Variants in VPS8 observed in about 807,000 individuals in gnomAD.
The protein encoded by VPS8 is VPS8 subunit of CORVET complex.
In VPS8, 129 loss-of-function variants were observed where a neutral mutation model predicts 216.4. The ratio of observed to expected loss-of-function variants is 0.60; its 90% CI spans 0.52 to 0.69. The LOEUF (loss-of-function observed/expected upper bound fraction) is 0.69, where lower values mean the gene tolerates loss of function less well. Among genes scored for constraint, VPS8 ranks in the 30% least tolerant of loss-of-function variants. VPS8 has a pLI of 0.00. For synonymous variants in VPS8, 571 were observed against 565.4 expected (o/e 1.01, Z -0.14); for missense variants, 1,531 against 1,683.5 (o/e 0.91, Z 1.59).
intron 45 of VPS8, among the ~76,000 whole-genome samples, chr3:185,010,990 C>A (rs939360885): frequency 6.6e-6 from 1 of 151,686 alleles, no homozygotes; most frequent in Non-Finnish European, 1.5e-5. Context: ...CAAAGCGAGA[C>A]CCTATCTCAA....
At chr3:184,884,078 C>G (rs1425119297) in intron 21 of VPS8, among the ~76,000 whole-genome samples, 1 of 152,036 alleles carries the variant, frequency 6.6e-6, no homozygotes, top group Non-Finnish European at 1.5e-5. Flanking sequence ...TTTTCAGGAT[C>G]ACTTTTTTTT....
At chr3:184,841,575 A>G (rs560937201) in intron 7 of VPS8, among the ~76,000 whole-genome samples, 1 of 152,324 alleles carries the variant, frequency 6.6e-6, no homozygotes, top group Admixed American at 6.5e-5. Flanking sequence ...ATGTTCCTAA[A>G]GGTGGAATTG....
intron 1 of VPS8, among the ~76,000 whole-genome samples, chr3:184,814,781 C>G (rs1003100462): frequency 6.6e-6 from 1 of 152,088 alleles, no homozygotes; most frequent in Non-Finnish European, 1.5e-5. Flanking sequence ...TACACTTAGG[C>G]TACACTGAAT....
At chr3:184,875,640 A>G (rs977866330) in intron 21 of VPS8, among the ~76,000 whole-genome samples, 1 of 151,984 alleles carries the variant, frequency 6.6e-6, no homozygotes. Flanking sequence ...CGCCGTCTCT[A>G]ATATCCTATG....
chr3:184,918,026 G>A (rs1489153877), intron 28 of VPS8, among the ~76,000 whole-genome samples: 1 of 152,170 alleles, frequency 6.6e-6, no homozygotes, highest in African/African-American at 2.4e-5. Context: ...CAAATGGATT[G>A]AAATGAGATA....
chr3:184,834,628 G>GT, intron 4 of VPS8, 21 bp from the exon 5 acceptor site: 1 of 1,483,252 alleles, frequency 6.7e-7, no homozygotes, highest in Non-Finnish European at 9.0e-7. Context: ...GTTTTTAAAT[G>GT]TTTTTCTTTT....
At chr3:184,819,798 C>A (rs1488741791) in intron 1 of VPS8, among the ~76,000 whole-genome samples, 3 of 152,106 alleles carry the variant, frequency 2.0e-5, no homozygotes, top group African/African-American at 7.2e-5. Flanking sequence ...CTACTACTAC[C>A]TACTGTTGAG....
chr3:184,933,789 A>G (rs1479246292), intron 34 of VPS8, among the ~76,000 whole-genome samples: 1 of 152,144 alleles, frequency 6.6e-6, no homozygotes, highest in African/African-American at 2.4e-5. Context: ...TCAAGGATCT[A>G]TATGTGTAGT....
intron 39 of VPS8, among the ~76,000 whole-genome samples, chr3:184,967,960 C>T (rs779758492): frequency 2.0e-5 from 3 of 151,960 alleles, no homozygotes; most frequent in Non-Finnish European, 4.4e-5. Flanking sequence ...ATTATATAAT[C>T]ATTACCCCCA....
intron 39 of VPS8, among the ~76,000 whole-genome samples, chr3:184,969,664 AGG>A (rs1294964944): frequency 5.0e-5 from 7 of 140,342 alleles, no homozygotes; most frequent in South Asian, 2.3e-4. Flanking sequence ...TCCTGACCTC[AGG>A]TGATCCACCC....
intron 46 of VPS8, among the ~76,000 whole-genome samples, chr3:185,030,152 T>A (rs1459597185): frequency 6.6e-6 from 1 of 152,042 alleles, no homozygotes; most frequent in Non-Finnish European, 1.5e-5. Flanking sequence ...CCAGGATAGA[T>A]CCAAATGCAG....
At chr3:184,964,766 T>C (rs1747108420) in intron 38 of VPS8, among the ~76,000 whole-genome samples, 1 of 152,222 alleles carries the variant, frequency 6.6e-6, no homozygotes, top group African/African-American at 2.4e-5. Context: ...AAAAAAGTCA[T>C]AAATGTACTA....
At chr3:185,025,977 A>G (rs1757286285) in intron 46 of VPS8, among the ~76,000 whole-genome samples, 1 of 152,234 alleles carries the variant, frequency 6.6e-6, no homozygotes, top group Non-Finnish European at 1.5e-5. Flanking sequence ...TTAAGAGTAT[A>G]ATACTATGTT....
chr3:184,870,320 A>G (rs1396617307), intron 20 of VPS8, among the ~76,000 whole-genome samples: 2 of 152,172 alleles, frequency 1.3e-5, no homozygotes, highest in East Asian at 3.9e-4. Context: ...ATTGGTAAAA[A>G]TTATATTCCA....
chr3:185,024,490 T>G, intron 46 of VPS8, 101 bp downstream of exon 46: 1 of 1,285,134 alleles, frequency 7.8e-7, no homozygotes, highest in Non-Finnish European at 1.1e-6. Flanking sequence ...TTAATCATCT[T>G]AATGCTGTCA....
chr3:184,880,706 G>A (rs1006758203), intron 21 of VPS8, among the ~76,000 whole-genome samples: 2 of 152,296 alleles, frequency 1.3e-5, no homozygotes, highest in African/African-American at 2.4e-5. Context: ...TGGATCATAT[G>A]ATAGTTGAAT....
At chr3:184,897,898 C>G (rs1034807560) in intron 23 of VPS8, among the ~76,000 whole-genome samples, 1 of 152,112 alleles carries the variant, frequency 6.6e-6, no homozygotes, top group East Asian at 1.9e-4. Flanking sequence ...AAGCTCACTT[C>G]CACATTAGGT....
intron 14 of VPS8, among the ~76,000 whole-genome samples, chr3:184,858,780 A>G (rs1725750675): frequency 6.6e-6 from 1 of 152,176 alleles, no homozygotes; most frequent in African/African-American, 2.4e-5. Context: ...AGCATCCCAA[A>G]AAACTATTGC....
chr3:184,828,784 T>A (rs1719358848), intron 3 of VPS8, among the ~76,000 whole-genome samples: 1 of 152,200 alleles, frequency 6.6e-6, no homozygotes, highest in African/African-American at 2.4e-5. Flanking sequence ...GCACAAATCA[T>A]AAGTGTACAG....
Sources: gnomAD v4.1 joint callset for allele counts (sites outside exome capture counted in the v4.1 genomes callset) on GRCh38, gnomAD v4.1.1 for gene constraint, MANE v1.5 for transcripts, NCBI Gene and HGNC (gene_info 2026-07-23, HGNC 2026-07-21) for gene names.